RIPOR2: variants seen among roughly 807,000 people sequenced by gnomAD.
RIPOR2 encodes the protein RHO family interacting cell polarization regulator 2.
In RIPOR2, 39 loss-of-function variants were observed where a neutral mutation model predicts 114.5. The ratio of observed to expected loss-of-function variants is 0.34; its 90% CI spans 0.26 to 0.44. The LOEUF (loss-of-function observed/expected upper bound fraction) is 0.44. RIPOR2 is among the 20% of genes least tolerant of loss of function. The pLI, the probability that RIPOR2 is intolerant of heterozygous loss-of-function variation, is 1.00. For synonymous variants in RIPOR2, 445 were observed against 484.4 expected (o/e 0.92, Z 1.07); for missense variants, 1,007 against 1,255.1 (o/e 0.80, Z 2.99).
chr6:24,946,640 G>C (rs73382348), intron 1 of RIPOR2, among the ~76,000 whole-genome samples: 1 of 151,666 alleles, frequency 6.6e-6, no homozygotes, highest in East Asian at 1.9e-4. Flanking sequence ...AGCAGAGTAG[G>C]ACTACAGCAG....
intron 1 of RIPOR2, among the ~76,000 whole-genome samples, chr6:25,005,692 GAGATATAT>G (rs1775519927): frequency 2.2e-5 from 1 of 45,588 alleles, no homozygotes; most frequent in African/African-American, 5.9e-5. Flanking sequence ...AATCCCTATG[GAGATATAT>G]ATATATATAT....
At chr6:24,869,020 A>T in intron 6 of RIPOR2, 74 bp downstream of exon 6, 1 of 827,578 alleles carries the variant, frequency 1.2e-6, no homozygotes, top group Non-Finnish European at 2.0e-6. Context: ...ACTAGATACT[A>T]CGCTCAGCCC....
At chr6:24,909,058 G>GCAAC (rs1769271399) in intron 1 of RIPOR2, among the ~76,000 whole-genome samples, 1 of 152,224 alleles carries the variant, frequency 6.6e-6, no homozygotes, top group Non-Finnish European at 1.5e-5. Context: ...TTGCTAAACA[G>GCAAC]ATTCTCCAAT....
Position 24,806,326 on chromosome 6 carries a change from T to C in RIPOR2, c.*47A>G. On this transcript the variant is annotated 3_prime_UTR_variant, in exon 22 of 22. Transcript: ENST00000643898. ...AGCCCAAACCACAGCACCATCCTGA[T>C]GAAAAGGGCCAGATATTAAGACAGC... 1.5e-6 allele frequency: 2 copies of C among 1,295,982 alleles called. No homozygotes were observed. The highest frequency in any genetic ancestry group is 2.2e-6 in the Non-Finnish European group (2 of 914,466). 80.3% of individuals were successfully genotyped at this position (1,295,982 alleles called of 1,614,324 possible). A position where few individuals can be genotyped will look rare whatever the true frequency, so the allele number is the denominator to read the frequency against.
intron 1 of RIPOR2, among the ~76,000 whole-genome samples, chr6:25,027,524 A>G (rs991689025): frequency 1.3e-5 from 2 of 152,258 alleles, no homozygotes; most frequent in Admixed American, 6.5e-5. Flanking sequence ...CAGCTCTGCC[A>G]GGAAATAAAT....
chr6:24,945,346 T>A (rs1772352839), intron 1 of RIPOR2, among the ~76,000 whole-genome samples: 1 of 152,304 alleles, frequency 6.6e-6, no homozygotes, highest in Non-Finnish European at 1.5e-5. Flanking sequence ...TAGATTTGCC[T>A]TGTAAGAAAT....
intron 1 of RIPOR2, among the ~76,000 whole-genome samples, chr6:25,031,682 T>C (rs1776943633): frequency 7.9e-6 from 1 of 126,092 alleles, no homozygotes; most frequent in Non-Finnish European, 1.7e-5. Flanking sequence ...TGGTTAGGTA[T>C]GTGATGTAGG....
At chr6:24,988,931 T>C (rs1774659725) in intron 1 of RIPOR2, among the ~76,000 whole-genome samples, 2 of 152,218 alleles carry the variant, frequency 1.3e-5, no homozygotes, top group Non-Finnish European at 1.5e-5. Flanking sequence ...TCTGCCCTTT[T>C]ACAGAAAACA....
At chr6:24,901,664 G>A (rs191383777) in intron 1 of RIPOR2, among the ~76,000 whole-genome samples, 210 of 152,236 alleles carry the variant, frequency 1.4e-3, no homozygotes, top group African/African-American at 4.8e-3. Flanking sequence ...AAGAGAAAAC[G>A]GTCATACCTC....
intron 6 of RIPOR2, among the ~76,000 whole-genome samples, chr6:24,868,676 G>A (rs964455767): frequency 1.3e-5 from 2 of 152,284 alleles, no homozygotes; most frequent in South Asian, 4.1e-4. Flanking sequence ...GGGAGGCGCT[G>A]AGACAGTGGT....
chr6:25,028,860 G>C (rs1352479507), intron 1 of RIPOR2, among the ~76,000 whole-genome samples: 1 of 152,220 alleles, frequency 6.6e-6, no homozygotes, highest in African/African-American at 2.4e-5. Context: ...GAAAGTATGG[G>C]GAATAGTGGA....
chr6:24,939,092 C>G (rs1351269397), upstream of RIPOR2, among the ~76,000 whole-genome samples: 1 of 151,962 alleles, frequency 6.6e-6, no homozygotes, highest in African/African-American at 2.4e-5. Flanking sequence ...CTATATCAAC[C>G]CTAAGATATA....
intron 1 of RIPOR2, among the ~76,000 whole-genome samples, chr6:24,917,988 G>GT (rs542288670): frequency 7.2e-4 from 110 of 152,254 alleles, no homozygotes; most frequent in African/African-American, 2.6e-3. Context: ...GCAGTCCCTG[G>GT]TTTGCAGGTT....
At chr6:24,954,253 C>T (rs1772923577) in intron 1 of RIPOR2, among the ~76,000 whole-genome samples, 1 of 152,140 alleles carries the variant, frequency 6.6e-6, no homozygotes, top group South Asian at 2.1e-4. Context: ...AATATTTTCT[C>T]TTATCGCTAG....
chr6:24,819,652 C>T (rs1029308657), intron 19 of RIPOR2, among the ~76,000 whole-genome samples: 4 of 79,562 alleles, frequency 5.0e-5, no homozygotes, highest in Admixed American at 1.6e-4. Flanking sequence ...CCCACCACCA[C>T]GCCCAGCTAA....
At chr6:25,022,709 T>G (rs866169057) in intron 1 of RIPOR2, among the ~76,000 whole-genome samples, 6 of 151,734 alleles carry the variant, frequency 4.0e-5, no homozygotes, top group Admixed American at 6.6e-5. Context: ...CCACCCCAGC[T>G]AATTTTTTGA....
chr6:24,872,859 A>T, intron 4 of RIPOR2, 22 bp downstream of exon 4: 1 of 1,519,222 alleles, frequency 6.6e-7, no homozygotes, highest in Non-Finnish European at 9.1e-7. Context: ...TGTTAACATC[A>T]TAATGACTGC....
intron 1 of RIPOR2, among the ~76,000 whole-genome samples, chr6:24,929,605 CTTTAA>C (rs1771217054): frequency 6.6e-6 from 1 of 152,182 alleles, no homozygotes; most frequent in African/African-American, 2.4e-5. Context: ...GAAAGAGTCA[CTTTAA>C]TTTGTCTCAA....
intron 1 of RIPOR2, chr6:25,024,070 C>A (rs1228330027): frequency 2.6e-6 from 2 of 767,640 alleles, no homozygotes; most frequent in Non-Finnish European, 4.8e-6. Flanking sequence ...GGGAGCAGTG[C>A]CCTTTATCTG....
Sources: allele counts gnomAD v4.1 joint callset (sites outside exome capture counted in the v4.1 genomes callset), GRCh38; gene constraint gnomAD v4.1.1; transcripts MANE v1.5; gene names NCBI Gene and HGNC (gene_info 2026-07-23, HGNC 2026-07-21).